GALNT13: variants seen among roughly 807,000 people sequenced by gnomAD.
The protein encoded by GALNT13 is polypeptide N-acetylgalactosaminyltransferase 13.
GALNT13 carries 28 observed loss-of-function variants against 64.2 expected under a neutral mutation model. The ratio of observed to expected loss-of-function variants is 0.44; its 90% CI spans 0.32 to 0.60. The LOEUF (loss-of-function observed/expected upper bound fraction) is 0.60, where lower values mean the gene tolerates loss of function less well. Among genes scored for constraint, GALNT13 ranks in the 20% least tolerant of loss-of-function variants. The pLI is 0.05. For missense variants in GALNT13, 577 were observed against 669.8 expected, an observed-to-expected ratio of 0.86 and a Z score of 1.53; for synonymous variants, 214 against 224.6, an observed-to-expected ratio of 0.95 and a Z score of 0.42.
At chr2:153,208,851 T>C in the GALNT13 span, among the ~76,000 whole-genome samples, 3 of 152,030 alleles carry the variant, frequency 2.0e-5, no homozygotes, top group Admixed American at 6.6e-5. Flanking sequence ...TTTTATTAGG[T>C]TTGTAGTGGT....
the GALNT13 span, among the ~76,000 whole-genome samples, chr2:153,747,667 A>G: frequency 2.0e-5 from 3 of 151,538 alleles, no homozygotes; most frequent in Non-Finnish European, 4.4e-5. Flanking sequence ...ACCTCAGGTG[A>G]TTTTCTGCCT....
intron 9 of GALNT13, among the ~76,000 whole-genome samples, chr2:154,387,501 T>G (rs1698570298): frequency 6.6e-6 from 1 of 151,142 alleles, no homozygotes; most frequent in Non-Finnish European, 1.5e-5. Flanking sequence ...TATAGTCACC[T>G]GATGAGCAAT....
At chr2:153,421,099 A>T in the GALNT13 span, 1,160 of 261,044 alleles carry the variant, frequency 4.4e-3, 12 homozygotes, top group African/African-American at 0.022. Context: ...CCATAGTGAG[A>T]GTCACATTTC....
intron 3 of GALNT13, among the ~76,000 whole-genome samples, chr2:154,021,180 G>A (rs2105277749): frequency 6.6e-6 from 1 of 152,260 alleles, no homozygotes; most frequent in East Asian, 1.9e-4. Flanking sequence ...ACTTGGCGAT[G>A]CGGGCTCTTT....
At chr2:153,791,196 T>C in the GALNT13 span, among the ~76,000 whole-genome samples, 1 of 151,954 alleles carries the variant, frequency 6.6e-6, no homozygotes, top group African/African-American at 2.4e-5. Flanking sequence ...ACAACCCCAT[T>C]AAAGTGTGGA....
chr2:153,326,694 C>T, the GALNT13 span, among the ~76,000 whole-genome samples: 1 of 152,270 alleles, frequency 6.6e-6, no homozygotes, highest in African/African-American at 2.4e-5. Context: ...GTAACAAAAT[C>T]CCTCAGCATT....
At chr2:154,180,148 C>G (rs1291035292) in intron 4 of GALNT13, among the ~76,000 whole-genome samples, 2 of 152,070 alleles carry the variant, frequency 1.3e-5, no homozygotes, top group Non-Finnish European at 2.9e-5. Flanking sequence ...GCATCAGTGC[C>G]TGAAAAATAA....
At chr2:154,444,722 TA>T (rs1207892489) in intron 12 of GALNT13, among the ~76,000 whole-genome samples, 2 of 152,244 alleles carry the variant, frequency 1.3e-5, no homozygotes, top group East Asian at 3.9e-4. Flanking sequence ...GTGTTATTAA[TA>T]ATGACAAATA....
chr2:153,805,085 G>T, the GALNT13 span, among the ~76,000 whole-genome samples: 105 of 151,536 alleles, frequency 6.9e-4, no homozygotes, highest in Non-Finnish European at 1.3e-3. Context: ...TGAATTGTTA[G>T]ATAGAATATA....
At chr2:154,164,348 A>G (rs1285356933) in intron 4 of GALNT13, among the ~76,000 whole-genome samples, 1 of 152,154 alleles carries the variant, frequency 6.6e-6, no homozygotes, top group Non-Finnish European at 1.5e-5. Flanking sequence ...TAGATCATCT[A>G]TAGCATTCTA....
the GALNT13 span, among the ~76,000 whole-genome samples, chr2:153,181,767 A>G: frequency 6.9e-6 from 1 of 145,746 alleles, no homozygotes; most frequent in Admixed American, 6.9e-5. Flanking sequence ...TGTATATAAT[A>G]CAAATATAAA....
intron 2 of GALNT13, among the ~76,000 whole-genome samples, chr2:153,923,761 A>G (rs927337838): frequency 4.3e-5 from 6 of 140,854 alleles, no homozygotes; most frequent in African/African-American, 1.1e-4. Flanking sequence ...TCATTGTTCA[A>G]TTCCTACCTA....
chr2:153,603,238 A>G, the GALNT13 span, among the ~76,000 whole-genome samples: 36 of 151,984 alleles, frequency 2.4e-4, no homozygotes, highest in South Asian at 1.0e-3. Flanking sequence ...TTTTCTTTCC[A>G]TATGGACATA....
chr2:153,654,023 T>C, the GALNT13 span, among the ~76,000 whole-genome samples: 8 of 152,064 alleles, frequency 5.3e-5, no homozygotes, highest in Admixed American at 3.3e-4. Flanking sequence ...TTTGGGACAA[T>C]CATATATATT....
the GALNT13 span, among the ~76,000 whole-genome samples, chr2:153,691,587 CA>C: frequency 6.6e-6 from 1 of 151,780 alleles, no homozygotes; most frequent in Non-Finnish European, 1.5e-5. Context: ...AAAAAATGGG[CA>C]AAAGGCTTAA....
At chr2:154,251,951 T>G (rs916059109) in intron 7 of GALNT13, among the ~76,000 whole-genome samples, 1 of 152,180 alleles carries the variant, frequency 6.6e-6, no homozygotes, top group African/African-American at 2.4e-5. Flanking sequence ...GACGTGAAGA[T>G]TTCAGCTATT....
chr2:153,336,189 G>A, the GALNT13 span, among the ~76,000 whole-genome samples: 1 of 152,318 alleles, frequency 6.6e-6, no homozygotes, highest in African/African-American at 2.4e-5. Context: ...AGGGAAATGT[G>A]GGGTATGATC....
At chr2:153,278,836 T>G in the GALNT13 span, among the ~76,000 whole-genome samples, 1 of 152,266 alleles carries the variant, frequency 6.6e-6, no homozygotes, top group East Asian at 1.9e-4. Flanking sequence ...TTGACTATTC[T>G]GTCTCCTTTT....
the GALNT13 span, among the ~76,000 whole-genome samples, chr2:153,502,884 C>T: frequency 2.0e-5 from 3 of 151,876 alleles, no homozygotes; most frequent in Admixed American, 6.6e-5. Context: ...TGTATGTCTT[C>T]TTTTGAGAAT....
Sources: gnomAD v4.1 joint callset for allele counts (sites outside exome capture counted in the v4.1 genomes callset) on GRCh38, gnomAD v4.1.1 for gene constraint, MANE v1.5 for transcripts, NCBI Gene and HGNC (gene_info 2026-07-23, HGNC 2026-07-21) for gene names.